The following UBXN6 variants were observed in gnomAD, a reference collection of about 807,000 sequenced individuals.
UBXN6 encodes UBX domain protein 6, also known as UBX domain-containing protein 6.
UBXN6 carries 44 observed loss-of-function variants against 51.4 expected under a neutral mutation model. The observed-to-expected ratio is 0.86, with a 90% CI of 0.67 to 1.10. UBXN6 has a LOEUF of 1.10. Ranked by LOEUF, UBXN6 falls within the 50% of genes least tolerant of loss-of-function variation. UBXN6 has a pLI of 0.00. For missense variants in UBXN6, 672 were observed against 596.1 expected (o/e 1.13, Z -1.32); for synonymous variants, 316 against 263.2 (o/e 1.20, Z -1.94).
At chr19:4,445,945 CT>C in intron 10 of UBXN6, 103 bp downstream of exon 10, 1 of 1,494,556 alleles carries the variant, frequency 6.7e-7, no homozygotes. Context: ...CCCAGGCCCC[CT>C]GCTCTGAGAA....
At chr19:4,452,186 G>A (rs59121637) in intron 4 of UBXN6, among the ~76,000 whole-genome samples, 178 bp downstream of exon 4, 6,751 of 151,848 alleles carry the variant, frequency 0.044, 342 homozygotes, top group East Asian at 0.22. Flanking sequence ...GGAGAGAGGA[G>A]ATACAGATGC....
At chr19:4,445,981 T>A (rs113460946) in intron 10 of UBXN6, 68 bp downstream of exon 10, 1 of 1,528,978 alleles carries the variant, frequency 6.5e-7, no homozygotes, top group African/African-American at 1.4e-5. Flanking sequence ...CCTGGGGGTG[T>A]CTGTGCCGGT....
chr19:4,453,752 C>T (rs1441500568), intron 2 of UBXN6, among the ~76,000 whole-genome samples, 178 bp downstream of exon 2: 1 of 152,206 alleles, frequency 6.6e-6, no homozygotes, highest in Non-Finnish European at 1.5e-5. Context: ...CAAGTCTCTG[C>T]TCCCACCCCC....
Position 4,446,554 on chromosome 19 carries a change from G to C in UBXN6, c.866C>G (p.Pro289Arg), listed in dbSNP as rs1974529039. 1.2e-5 allele frequency: 20 copies of C among 1,612,372 alleles called. No homozygotes were observed. Among genetic ancestry groups the C allele is most frequent in the Non-Finnish European group, 1.6e-5 (19 of 1,179,894 alleles). ...PSPLASQFEL[P>R]GDFFNLTAEE... ...TGCTGTGAGGTTGAAGAAGTCCCCA[G>C]GCAGTTCGAACTGCGAGGCCAGGGG... Residue 289 changes from proline to arginine, a missense_variant, in exon 8 of 11, where the codon CCT becomes CGT. Coordinates refer to ENST00000301281, the MANE Select transcript of UBXN6 (RefSeq NM_025241.3).
At chr19:4,457,216 C>T (rs990743122) in intron 1 of UBXN6, among the ~76,000 whole-genome samples, 3 of 151,862 alleles carry the variant, frequency 2.0e-5, no homozygotes, top group African/African-American at 7.3e-5. Flanking sequence ...ACTCATGATC[C>T]CGTTTTTCCC....
At chr19:4,456,569 C>T (rs1974742322) in intron 1 of UBXN6, among the ~76,000 whole-genome samples, 2 of 152,114 alleles carry the variant, frequency 1.3e-5, no homozygotes, top group African/African-American at 4.8e-5. Flanking sequence ...CTCCAGTTTC[C>T]CTTTTCTCAA....
rs1285530090 is a variant in UBXN6 at position 4,446,854 on chromosome 19, G to A, written c.682C>T (p.Leu228Phe). 1.9e-6 allele frequency: 3 copies of A among 1,614,098 alleles called. No individual in the cohort carries two copies. The highest frequency in any genetic ancestry group is 2.5e-6 in the Non-Finnish European group (3 of 1,180,032). Residue 228 changes from leucine to phenylalanine, a missense_variant, in exon 7 of 11, where the codon CTT becomes TTT. Leu to Phe is a conservative substitution (Grantham distance 22). Transcript: ENST00000301281. ...CACTTACCCTGATCCTGGGCGGGAAGCAACACCTTCTGGAACCCAATGGCC... is the reference window on the plus strand; with the variant it reads ...CACTTACCCTGATCCTGGGCGGGAAACAACACCTTCTGGAACCCAATGGCC... Reference protein sequence around the residue: ...FEAIGFQKVLLPAQDQEDPEE... With the variant: ...FEAIGFQKVLFPAQDQEDPEE...
chr19:4,454,217 G>A, intron 1 of UBXN6, 124 bp from the exon 2 acceptor site: 1 of 1,125,842 alleles, frequency 8.9e-7, no homozygotes, highest in South Asian at 1.6e-5. Context: ...CCCTGCCTAT[G>A]TGGGCCAGGA....
intron 6 of UBXN6, chr19:4,447,154 T>TGAGG: frequency 3.4e-6 from 2 of 594,714 alleles, no homozygotes; most frequent in Non-Finnish European, 6.0e-6. Flanking sequence ...GCACGAAGAG[T>TGAGG]GAGGCTGAGG....
chr19:4,453,502 C>G lies in UBXN6; in HGVS notation c.268G>C (p.Glu90Gln). The change falls in exon 3 of 11, where the codon GAA (glutamate) becomes CAA (glutamine). Residue 90 changes from glutamate (E) to glutamine (Q), a missense_variant. By Grantham distance (29) the Glu-to-Gln change is conservative (BLOSUM62 2). Coordinates refer to ENST00000301281, the MANE Select transcript of UBXN6 (RefSeq NM_025241.3). Reference protein sequence around the residue: ...RNQVRKELQAEATVSGSPEAP... With the variant: ...RNQVRKELQAQATVSGSPEAP... ...TCGGGGCTCCCGCTGACGGTGGCTT[C>G]GGCTTGAAGTTCCTTTCTCACTGGA... The G allele has an allele frequency of 6.2e-7, 1 of 1,613,794 alleles. No homozygotes were observed.
rs1974701192 is a variant in UBXN6, at chr19:4,454,022, G to A, written c.155C>T (p.Ala52Val). The A allele has an allele frequency of 6.2e-7, 1 of 1,604,828 alleles. No homozygotes were observed. The highest frequency in any genetic ancestry group is 1.7e-4 in the Middle Eastern group (1 of 6,052). ...RPPRQGPTNEAQMAAAAALAR... is the reference protein window; with the variant it reads ...RPPRQGPTNEVQMAAAAALAR... ...TAGGGCGGCAGCGGCTGCCATCTGT[G>A]CCTCATTGGTGGGTCCCTGGCGGGG... is the stretch of plus-strand genomic sequence containing the variant. Residue 52 changes from alanine (A) to valine (V), a missense_variant, in exon 2 of 11, where the codon GCA (alanine) becomes GTA (valine). Ala to Val is a moderately conservative substitution (Grantham distance 64). Transcript: ENST00000301281.
chr19:4,448,279 C>T (rs894203541), intron 5 of UBXN6, 39 bp downstream of exon 5: 1 of 1,545,188 alleles, frequency 6.5e-7, no homozygotes, highest in Non-Finnish European at 8.8e-7. Context: ...CTGGGATGAG[C>T]TGGAGGGGCC....
At chr19:4,446,463 G>C (rs761189258) in intron 8 of UBXN6, 37 bp downstream of exon 8, 2 of 1,585,584 alleles carry the variant, frequency 1.3e-6, no homozygotes, top group Non-Finnish European at 1.7e-6. Context: ...CTTCCACCCC[G>C]CCCCGCCCCA....
intron 5 of UBXN6, 197 bp from the exon 6 acceptor site, chr19:4,447,822 G>A (rs1006319791): frequency 1.0e-5 from 6 of 597,758 alleles, no homozygotes; most frequent in African/African-American, 9.2e-5. Context: ...GCCCACCCCT[G>A]GTGCCAGCAG....
rs367999996 is a variant in UBXN6, at chr19:4,447,638, G to A, written c.540-13C>T. Reference sequence around the variant, plus strand: ...GTTGTCCAGGTACCTGGGGTAGGTGGAGAAGGTGAGTGGGGCACAGCCCAG... The same window carrying A: ...GTTGTCCAGGTACCTGGGGTAGGTGAAGAAGGTGAGTGGGGCACAGCCCAG... On this transcript the variant is annotated splice_polypyrimidine_tract_variant and intron_variant, in intron 5 of 10. Transcript: ENST00000301281. 15 of 1,613,706 alleles carry A rather than the reference G, an allele frequency of 9.3e-6. No individual in the cohort carries two copies. The East Asian group carries it at 1.3e-4, about 14-fold the overall frequency.
At position 4,446,422 on chromosome 19, in the gene UBXN6, G is replaced by T. The variant is rs752766527; in HGVS notation, c.921-9C>A. Reference sequence around the variant, plus strand: ...GCTCCACCGCCTCGGACCTGCACACGCGGGCCAGGTCACGAGGGCTGGCCG... The same window carrying T: ...GCTCCACCGCCTCGGACCTGCACACTCGGGCCAGGTCACGAGGGCTGGCCG... On this transcript the variant is annotated splice_polypyrimidine_tract_variant and intron_variant, in intron 8 of 10. Transcript: ENST00000301281. 1 of 1,577,084 alleles carries T rather than the reference G, an allele frequency of 6.3e-7. No homozygotes were observed. The highest frequency in any genetic ancestry group is 8.6e-7 in the Non-Finnish European group (1 of 1,167,988).
At chr19:4,453,561 A>G in intron 2 of UBXN6, 39 bp from the exon 3 acceptor site, 1 of 1,606,728 alleles carries the variant, frequency 6.2e-7, no homozygotes, top group Non-Finnish European at 8.5e-7. Context: ...GAGACGGGAT[A>G]GTGAGCACGC....
At chr19:4,448,214 A>C (rs942205117) in intron 5 of UBXN6, 104 bp downstream of exon 5, 2 of 1,064,152 alleles carry the variant, frequency 1.9e-6, no homozygotes, top group Non-Finnish European at 2.8e-6. Flanking sequence ...TTCCCAACCC[A>C]CCTCAGCAGG....
chr19:4,446,983 A>T, intron 6 of UBXN6, 63 bp from the exon 7 acceptor site: 1 of 1,532,134 alleles, frequency 6.5e-7, no homozygotes, highest in Non-Finnish European at 9.0e-7. Flanking sequence ...GCCACACCCC[A>T]CCCAGTCCAG....
Sources: gnomAD v4.1 joint callset for allele counts (sites outside exome capture counted in the v4.1 genomes callset) on GRCh38, gnomAD v4.1.1 for gene constraint, MANE v1.5 for transcripts, NCBI Gene and HGNC (gene_info 2026-07-23, HGNC 2026-07-21) for gene names.